The following SIPA1L1 variants were observed in gnomAD, a reference collection of about 807,000 sequenced individuals.
SIPA1L1 encodes signal-induced proliferation-associated 1-like protein 1.
SIPA1L1 carries 26 observed loss-of-function variants against 162.7 expected under a neutral mutation model. The ratio of observed to expected loss-of-function variants is 0.16; its 90% confidence interval spans 0.12 to 0.22. The LOEUF (loss-of-function observed/expected upper bound fraction) is 0.22. Ranked by LOEUF, SIPA1L1 falls within the 10% of genes least tolerant of loss-of-function variation. The pLI, the probability that SIPA1L1 is intolerant of heterozygous loss-of-function variation, is 1.00. For synonymous variants in SIPA1L1, 829 were observed against 837.4 expected (o/e 0.99, Z 0.17); for missense variants, 1,874 against 2,241.0 (o/e 0.84, Z 3.31).
At chr14:71,339,449 G>A (rs1480812429) in intron 2 of SIPA1L1, among the ~76,000 whole-genome samples, 6 of 150,240 alleles carry the variant, frequency 4.0e-5, no homozygotes, top group Non-Finnish European at 7.4e-5. Flanking sequence ...CGCAACCTCC[G>A]CCTCCTGGGT....
In SIPA1L1 at chr14:71,621,267, A is replaced by C. The variant is rs191000117; in HGVS notation, c.1629+2380A>C. On this transcript the variant is annotated intron_variant, in intron 6 of 23. Coordinates refer to ENST00000381232, the MANE Select transcript of SIPA1L1 (RefSeq NM_001386936.1). ...CAGATCTTGCCATTGCTCAGTTCGA[A>C]ATCCTTGAAAGCTTCCTCATCTCCC... Among the ~76,000 whole-genome samples, 3 of 152,228 alleles carry C rather than the reference A, an allele frequency of 2.0e-5. No homozygotes were observed. The East Asian group carries it at 5.8e-4, about 29-fold the overall frequency.
intron 7 of SIPA1L1, among the ~76,000 whole-genome samples, chr14:71,641,082 A>T (rs902510673): frequency 1.3e-5 from 2 of 152,222 alleles, no homozygotes; most frequent in African/African-American, 2.4e-5. Flanking sequence ...ACATAGAAAA[A>T]TACAGAAAAA....
rs1212030316 is a variant in SIPA1L1 at position 71,529,312 on chromosome 14, G to C, written c.-361G>C. The C allele has an allele frequency of 3.1e-6, 2 of 650,904 alleles. No individual in the cohort carries two copies. The highest frequency in any genetic ancestry group is 5.5e-6 in the Non-Finnish European group (2 of 363,364). 40.3% of individuals were successfully genotyped at this position (650,904 alleles called of 1,614,324 possible). A position where few individuals can be genotyped will look rare whatever the true frequency, so the allele number is the denominator to read the frequency against. The stretch of plus-strand genomic sequence containing the variant: ...GGTTTTTTTTCTAATTTTATTTCAG[G>C]TTATACCTTATTGGTGTGGACGTTG... On this transcript the variant is annotated splice_region_variant and 5_prime_UTR_variant, in exon 4 of 24. Coordinates refer to ENST00000381232, the MANE Select transcript of SIPA1L1 (RefSeq NM_001386936.1).
intron 12 of SIPA1L1, among the ~76,000 whole-genome samples, chr14:71,682,843 A>C (rs1220290193): frequency 6.6e-6 from 1 of 152,162 alleles, no homozygotes; most frequent in African/African-American, 2.4e-5. Context: ...TGCAAAATGG[A>C]CTTAAAACAG....
intron 3 of SIPA1L1, among the ~76,000 whole-genome samples, chr14:71,527,808 C>G (rs890568022): frequency 3.3e-5 from 5 of 152,136 alleles, no homozygotes; most frequent in African/African-American, 1.2e-4. Flanking sequence ...TCATGTTTTT[C>G]AGTCCCTCTT....
In SIPA1L1 at chr14:71,445,107, T is replaced by C. The variant is rs1033501478; in HGVS notation, c.-464-67636T>C. Among the ~76,000 whole-genome samples the C allele has an allele frequency of 2.6e-5, 4 of 152,362 alleles. No individual in the cohort carries two copies. In the East Asian group the frequency reaches 7.7e-4, roughly 29 times the overall value. On this transcript the variant is annotated intron_variant, in intron 2 of 23. Coordinates refer to ENST00000381232, the MANE Select transcript of SIPA1L1 (RefSeq NM_001386936.1). ...GTTCATATGAAATAATTATAGTTAG[T>C]GGAAGACAACATGCAATCTAATTGC...
At chr14:71,454,367 G>T (rs2046040929) in intron 2 of SIPA1L1, among the ~76,000 whole-genome samples, 2 of 152,128 alleles carry the variant, frequency 1.3e-5, no homozygotes, top group South Asian at 4.1e-4. Context: ...GCTATCCTGG[G>T]CGCCAGTAAT....
At chr14:71,711,235 T>C (rs769000791) in intron 17 of SIPA1L1, among the ~76,000 whole-genome samples, 1 of 152,190 alleles carries the variant, frequency 6.6e-6, no homozygotes, top group Non-Finnish European at 1.5e-5. Context: ...AGTAGATTGT[T>C]TGATTCAAAT....
intron 5 of SIPA1L1, among the ~76,000 whole-genome samples, chr14:71,599,413 A>G (rs1192502205): frequency 1.3e-5 from 2 of 150,936 alleles, no homozygotes; most frequent in Non-Finnish European, 2.9e-5. Flanking sequence ...CGGCCTCGCA[A>G]AGTGCTGAGA....
In SIPA1L1 at chr14:71,723,754, T is replaced by C. The variant is rs763462890; in HGVS notation, c.4316T>C (p.Phe1439Ser). Reference sequence around the variant, plus strand: ...GCCCCCTCACAGCTCGCACCATCCTTCTCCTCCTCTTCCTCCTCCTCCTCT... The same window carrying C: ...GCCCCCTCACAGCTCGCACCATCCTCCTCCTCCTCTTCCTCCTCCTCCTCT... ...PAAPSQLAPS[F>S]SSSSSSSSGP... is the part of the protein sequence containing the mutation. Residue 1439 changes from phenylalanine to serine, a missense_variant, in exon 18 of 24, where the codon TTC becomes TCC. By Grantham distance (155) the Phe-to-Ser change is radical. Coordinates refer to ENST00000381232, the MANE Select transcript of SIPA1L1 (RefSeq NM_001386936.1). The C allele has an allele frequency of 1.2e-6, 2 of 1,614,050 alleles. No individual in the cohort carries two copies. The highest frequency in any genetic ancestry group is 1.7e-6 in the Non-Finnish European group (2 of 1,179,982).
At chr14:71,412,435 C>T (rs756224775) in intron 2 of SIPA1L1, among the ~76,000 whole-genome samples, 28 of 152,268 alleles carry the variant, frequency 1.8e-4, no homozygotes, top group Non-Finnish European at 3.4e-4. Flanking sequence ...ATTTTACCCA[C>T]GGTTTTCTTC....
At chr14:71,329,268 C>A (rs1292064440) in intron 2 of SIPA1L1, among the ~76,000 whole-genome samples, 1 of 151,840 alleles carries the variant, frequency 6.6e-6, no homozygotes, top group Non-Finnish European at 1.5e-5. Context: ...GTGTATATAC[C>A]CAGAAGCGGG....
At position 71,451,829 on chromosome 14, in the gene SIPA1L1, A is replaced by G. The variant is rs74060352; in HGVS notation, c.-464-60914A>G. Among the ~76,000 whole-genome samples the G allele has an allele frequency of 6.4e-3, 972 of 152,184 alleles. 9 individuals are homozygous for G. Among genetic ancestry groups the G allele is most frequent in the African/African-American group, 0.022 (909 of 41,542 alleles). ...TGGTGTGTACGCAATTCAAAACAACATGTATATGATAAACACATACAATTT... is the reference window on the plus strand; with the variant it reads ...TGGTGTGTACGCAATTCAAAACAACGTGTATATGATAAACACATACAATTT... On this transcript the variant is annotated intron_variant, in intron 2 of 23. Coordinates refer to ENST00000381232, the MANE Select transcript of SIPA1L1 (RefSeq NM_001386936.1).
chr14:71,513,637 A>G (rs1444935426), intron 3 of SIPA1L1, among the ~76,000 whole-genome samples: 3 of 152,060 alleles, frequency 2.0e-5, no homozygotes, highest in Non-Finnish European at 2.9e-5. Flanking sequence ...GACTAAAGGC[A>G]CGTGCCACCG....
intron 2 of SIPA1L1, among the ~76,000 whole-genome samples, chr14:71,423,085 A>T (rs192894328): frequency 9.2e-5 from 14 of 152,246 alleles, no homozygotes; most frequent in Admixed American, 3.3e-4. Context: ...GATGTCGAAC[A>T]TTTTTTTATG....
chr14:71,720,886 C>T (rs1005929769), intron 17 of SIPA1L1, among the ~76,000 whole-genome samples: 1 of 152,020 alleles, frequency 6.6e-6, no homozygotes, highest in Admixed American at 6.6e-5. Flanking sequence ...TGAACTTGCT[C>T]GAGGACAGGT....
intron 7 of SIPA1L1, among the ~76,000 whole-genome samples, chr14:71,642,100 C>T (rs1415513311): frequency 6.6e-6 from 1 of 152,180 alleles, no homozygotes; most frequent in Non-Finnish European, 1.5e-5. Context: ...TTTAACTTTC[C>T]ACCTGAAACA....
intron 19 of SIPA1L1, 142 bp from the exon 20 acceptor site, chr14:71,729,913 A>G: frequency 1.1e-6 from 1 of 909,160 alleles, no homozygotes; most frequent in South Asian, 1.6e-5. Context: ...TTGAGGTTGT[A>G]GAAATAGACA....
intron 2 of SIPA1L1, among the ~76,000 whole-genome samples, chr14:71,489,874 G>GACT (rs2049094965): frequency 6.6e-6 from 1 of 152,188 alleles, no homozygotes; most frequent in Admixed American, 6.5e-5. Flanking sequence ...AGAAAGGTAA[G>GACT]ACTAGTGGCA....
Sources: gnomAD v4.1 joint callset for allele counts (sites outside exome capture counted in the v4.1 genomes callset) on GRCh38, gnomAD v4.1.1 for gene constraint, MANE v1.5 for transcripts, NCBI Gene and HGNC (gene_info 2026-07-23, HGNC 2026-07-21) for gene names.